ARHGEF28: variants seen among roughly 807,000 people sequenced by gnomAD.
The protein encoded by ARHGEF28 is Rho guanine nucleotide exchange factor 28.
Under a neutral mutation model 206.6 loss-of-function variants are expected in ARHGEF28, and 152 were observed. The observed-to-expected ratio is 0.74, with a 90% confidence interval of 0.64 to 0.84. ARHGEF28 has a LOEUF of 0.84. ARHGEF28 is among the 40% of genes least tolerant of loss of function. The pLI, the probability that ARHGEF28 is intolerant of heterozygous loss-of-function variation, is 0.00. For synonymous variants in ARHGEF28, 763 were observed against 776.4 expected, an observed-to-expected ratio of 0.98 and a Z score of 0.29; for missense variants, 2,028 against 2,073.2, an observed-to-expected ratio of 0.98 and a Z score of 0.42.
intron 4 of ARHGEF28, among the ~76,000 whole-genome samples, chr5:73,768,750 T>C (rs1382469928): frequency 5.3e-5 from 8 of 151,976 alleles, no homozygotes; most frequent in Non-Finnish European, 8.8e-5. Flanking sequence ...TGGGAAGGCA[T>C]GATTGGGTTT....
chr5:73,824,913 G>A (rs1756815311), intron 9 of ARHGEF28, among the ~76,000 whole-genome samples: 1 of 152,130 alleles, frequency 6.6e-6, no homozygotes, highest in African/African-American at 2.4e-5. Context: ...AATGAAAGAA[G>A]ACAGTGACAC....
intron 4 of ARHGEF28, among the ~76,000 whole-genome samples, chr5:73,761,455 GAGA>G (rs1419198242): frequency 6.6e-6 from 1 of 152,142 alleles, no homozygotes; most frequent in Non-Finnish European, 1.5e-5. Context: ...ATCTGGGGAG[GAGA>G]GTGAGGCAGG....
chr5:73,867,876 A>G lies in ARHGEF28; in HGVS notation c.2153A>G (p.Asn718Ser). ...ATGAAGCATCTGTTCTGATTTCCAG[A>G]TTCTTCATTTAGAGACATCCCACAG... ...NKNKPQTILG[N>S]SSFRDIPQPG... Residue 718 changes from asparagine (N) to serine (S), a missense_variant and splice_region_variant, in exon 19 of 36, where the codon AAT (asparagine) becomes AGT (serine). Transcript: ENST00000513042. 2 of 1,613,926 alleles carry G rather than the reference A, an allele frequency of 1.2e-6. No individual in the cohort carries two copies. The highest frequency in any genetic ancestry group is 1.7e-4 in the Middle Eastern group (1 of 6,060).
chr5:73,759,140 C>T (rs1752470355), intron 4 of ARHGEF28, among the ~76,000 whole-genome samples: 1 of 94,920 alleles, frequency 1.1e-5, no homozygotes, highest in Non-Finnish European at 2.1e-5. Flanking sequence ...ACTAGCAGGA[C>T]CCACTGAGGG....
intron 11 of ARHGEF28, among the ~76,000 whole-genome samples, chr5:73,845,986 C>CAAAAAAAAAAAAAAAAAAAAAA (rs57600570): frequency 1.4e-4 from 9 of 63,732 alleles, no homozygotes; most frequent in Non-Finnish European, 2.7e-4. Flanking sequence ...AAAACTGTCT[C>CAAAAAAAAAAAAAAAAAAAAAA]AAAAAAAAAA....
intron 9 of ARHGEF28, among the ~76,000 whole-genome samples, chr5:73,803,052 A>G (rs1755238629): frequency 6.6e-6 from 1 of 152,106 alleles, no homozygotes; most frequent in African/African-American, 2.4e-5. Context: ...AATTTACTTT[A>G]CCTTTTAGAG....
At chr5:73,900,146 C>T (rs1050980542) in intron 30 of ARHGEF28, 1 of 152,128 alleles carries the variant, frequency 6.6e-6, no homozygotes, top group African/African-American at 2.4e-5. Context: ...ACAAAAACTT[C>T]TTTGTATTAG....
chr5:73,651,491 T>A (rs2112165724), intron 1 of ARHGEF28, among the ~76,000 whole-genome samples: 1 of 152,338 alleles, frequency 6.6e-6, no homozygotes, highest in East Asian at 1.9e-4. Context: ...TTGTGGGGAA[T>A]GTTAATATGT....
At chr5:73,826,250 C>A (rs1490533963) in intron 9 of ARHGEF28, among the ~76,000 whole-genome samples, 3 of 152,158 alleles carry the variant, frequency 2.0e-5, no homozygotes, top group African/African-American at 7.2e-5. Flanking sequence ...CCATGATGGG[C>A]ACTGTTTCAG....
chr5:73,772,021 G>T (rs993654600), intron 4 of ARHGEF28, among the ~76,000 whole-genome samples: 23 of 152,034 alleles, frequency 1.5e-4, no homozygotes, highest in African/African-American at 5.6e-4. Context: ...CTGGTAAGTT[G>T]GTGGCATTTC....
At chr5:73,909,059 AG>A (rs530433175) in intron 33 of ARHGEF28, 60 of 182,480 alleles carry the variant, frequency 3.3e-4, no homozygotes, top group African/African-American at 1.3e-3. Context: ...GATGTAGGAC[AG>A]GAATGCACAG....
At chr5:73,901,128 G>A (rs1762243783) in intron 30 of ARHGEF28, 56 bp from the exon 31 acceptor site, 3 of 1,446,832 alleles carry the variant, frequency 2.1e-6, no homozygotes, top group Non-Finnish European at 2.9e-6. Context: ...AACCCGGTGG[G>A]CTGGCCGATG....
chr5:73,859,998 C>T (rs1759291374), intron 16 of ARHGEF28, among the ~76,000 whole-genome samples: 1 of 152,210 alleles, frequency 6.6e-6, no homozygotes, highest in Non-Finnish European at 1.5e-5. Flanking sequence ...ACTTTCTAGT[C>T]AAGTCTGAGT....
At chr5:73,845,010 C>CTTTTTTTTT (rs1758229936) in intron 11 of ARHGEF28, among the ~76,000 whole-genome samples, 1 of 138,360 alleles carries the variant, frequency 7.2e-6, no homozygotes, top group African/African-American at 2.7e-5. Flanking sequence ...TCAAAGGAAT[C>CTTTTTTTTT]ATTTTTTTTT....
intron 2 of ARHGEF28, among the ~76,000 whole-genome samples, chr5:73,745,817 A>G (rs183403524): frequency 6.6e-6 from 1 of 152,224 alleles, no homozygotes; most frequent in African/African-American, 2.4e-5. Context: ...GGGAAACTAA[A>G]AATTTTGACC....
chr5:73,872,925 T>C, intron 21 of ARHGEF28, 74 bp from the exon 22 acceptor site: 1 of 1,533,200 alleles, frequency 6.5e-7, no homozygotes, highest in Non-Finnish European at 8.9e-7. Flanking sequence ...TAGTGTTGAG[T>C]TACTAATTTA....
intron 2 of ARHGEF28, among the ~76,000 whole-genome samples, chr5:73,741,383 GTGTATATATATA>G (rs1751408198): frequency 4.4e-4 from 8 of 18,310 alleles, no homozygotes; most frequent in African/African-American, 2.1e-3. Context: ...GTGTGTGTGT[GTGTATATATATA>G]TATATATATA....
intron 2 of ARHGEF28, among the ~76,000 whole-genome samples, chr5:73,736,045 G>T (rs755150085): frequency 6.6e-6 from 1 of 152,144 alleles, no homozygotes; most frequent in African/African-American, 2.4e-5. Context: ...AGGTCTTGTC[G>T]TCTTCATACC....
chr5:73,662,993 CT>C (rs1434570930), intron 1 of ARHGEF28, among the ~76,000 whole-genome samples: 4 of 152,144 alleles, frequency 2.6e-5, no homozygotes, highest in South Asian at 4.1e-4. Flanking sequence ...TCTCACTCTG[CT>C]GCCCAGGCTG....
Sources: gnomAD v4.1 joint callset for allele counts (sites outside exome capture counted in the v4.1 genomes callset) on GRCh38, gnomAD v4.1.1 for gene constraint, MANE v1.5 for transcripts, NCBI Gene and HGNC (gene_info 2026-07-23, HGNC 2026-07-21) for gene names.